IGF2R: variants seen among roughly 807,000 people sequenced by gnomAD.
IGF2R encodes the protein cation-independent mannose-6-phosphate receptor.
A neutral mutation model predicts 270.6 loss-of-function variants in IGF2R; 91 were observed. The ratio of observed to expected loss-of-function variants is 0.34; its 90% CI spans 0.28 to 0.40. The LOEUF (loss-of-function observed/expected upper bound fraction) is 0.40. Among genes scored for constraint, IGF2R ranks in the 10% least tolerant of loss-of-function variants. IGF2R has a pLI of 1.00. For missense variants in IGF2R, 2,805 were observed against 3,188.3 expected (o/e 0.88, Z 2.90); for synonymous variants, 1,316 against 1,258.9 (o/e 1.05, Z -0.96).
chr6:160,050,474 G>C lies in IGF2R; in HGVS notation c.2516G>C (p.Gly839Ala). ...CTAACAAGACTGGTTTTCTTGCAGG[G>C]CTCCTTCACTGAAGTGGTTTCCATC... The part of the protein sequence containing the change: ...ACQMKYEKDQ[G>A]SFTEVVSISN... The change falls in exon 19 of 48, where the codon GGC becomes GCC. Residue 839 changes from glycine (G) to alanine (A), a missense_variant and splice_region_variant. Gly to Ala is a moderately conservative substitution (Grantham distance 60). Around this residue, in one of 2 missense-constraint regions of IGF2R, gnomAD observed 1,851 missense variants for 2,207.2 expected, o/e 0.84. Transcript: ENST00000356956. This position sits in a 1 kb window ranked among gnomAD's most constrained non-coding sequence, Gnocchi z 4.0. 1 of 1,606,594 alleles carries C rather than the reference G, an allele frequency of 6.2e-7. No homozygotes were observed. Among genetic ancestry groups the C allele is most frequent in the Non-Finnish European group, 8.5e-7 (1 of 1,173,920 alleles).
intron 7 of IGF2R, 86 bp from the exon 8 acceptor site, chr6:160,032,465 C>CT: frequency 7.9e-7 from 1 of 1,268,798 alleles, no homozygotes. Context: ...AACAACCTGT[C>CT]TTTGAGCTTT....
At chr6:160,076,399 C>T (rs535025269) in intron 36 of IGF2R, among the ~76,000 whole-genome samples, 1 of 152,128 alleles carries the variant, frequency 6.6e-6, no homozygotes, top group African/African-American at 2.4e-5. Flanking sequence ...AACAAAAGAC[C>T]CCTGGAATCA....
At chr6:160,029,474 A>C in intron 6 of IGF2R, 76 bp from the exon 7 acceptor site, 1 of 871,760 alleles carries the variant, frequency 1.1e-6, no homozygotes, top group Non-Finnish European at 1.9e-6. Context: ...GAATGTGCTG[A>C]ATGCTCAGGG....
chr6:160,032,903 A>T, intron 8 of IGF2R, 39 bp from the exon 9 acceptor site: 1 of 1,526,146 alleles, frequency 6.6e-7, no homozygotes, highest in Non-Finnish European at 9.0e-7. Context: ...ACCTATTCAT[A>T]TAAAACAAGC....
Position 160,102,558 on chromosome 6 carries a change from G to C in IGF2R, c.6882G>C (p.Gln2294His). Residue 2294 changes from glutamine to histidine, a missense_variant, in exon 46 of 48, where the codon CAG (glutamine) becomes CAC (histidine). Transcript: ENST00000356956. The surrounding 1 kb of genome is among the most constrained non-coding windows in gnomAD (Gnocchi z 4.5). ...GCGAGAATCCCGGGGACGACGGGCA[G>C]ATGCACAAGGGGCTGTCAGAACGGA... ...FDSENPGDDGQMHKGLSERSQ... is the reference protein window; with the variant it reads ...FDSENPGDDGHMHKGLSERSQ... 6.2e-7 allele frequency: 1 copy of C among 1,613,288 alleles called. No individual in the cohort carries two copies.
At chr6:160,033,452 C>T (rs1035034928) in intron 9 of IGF2R, among the ~76,000 whole-genome samples, 14 of 152,346 alleles carry the variant, frequency 9.2e-5, no homozygotes, top group African/African-American at 3.1e-4. Flanking sequence ...TTTTCAAGTG[C>T]GTTGTGTGTA....
In IGF2R at chr6:160,052,752, C is replaced by T. The variant is rs191810668; in HGVS notation, c.2694+2100C>T. Among the ~76,000 whole-genome samples the T allele has an allele frequency of 3.3e-5, 5 of 152,168 alleles. No individual in the cohort carries two copies. The South Asian group carries it at 6.2e-4, about 19-fold the overall frequency. On this transcript the variant is annotated intron_variant, in intron 19 of 47. Coordinates refer to ENST00000356956, the MANE Select transcript of IGF2R (RefSeq NM_000876.4). ...AAACAGATATATAGACCAATGGAACCGAACAGAGTCCTCAGAAATAACACC... is the reference window on the plus strand; with the variant it reads ...AAACAGATATATAGACCAATGGAACTGAACAGAGTCCTCAGAAATAACACC...
Position 160,104,909 on chromosome 6 carries a change from C to T in IGF2R, c.7301C>T (p.Pro2434Leu). The T allele has an allele frequency of 6.2e-7, 1 of 1,614,136 alleles. No individual in the cohort carries two copies. Among genetic ancestry groups the T allele is most frequent in the South Asian group, 1.1e-5 (1 of 91,082 alleles). ...GGAGCTGGGGCAGAGAGCTCCCACC[C>T]AGTGAGAAACGCACAGAGCAATGCC... The part of the protein sequence containing the change: ...GRGAGAESSH[P>L]VRNAQSNALQ... Residue 2434 changes from proline (P) to leucine (L), a missense_variant, in exon 48 of 48, where the codon CCA (proline) becomes CTA (leucine). By Grantham distance (98) the Pro-to-Leu change is moderately conservative. This residue lies in a region of IGF2R where 1,851 missense variants were observed against 2,207.2 expected (regional missense o/e 0.84). Coordinates refer to ENST00000356956, the MANE Select transcript of IGF2R (RefSeq NM_000876.4).
chr6:160,106,596 G>C lies in IGF2R; in HGVS notation c.*1512G>C, dbSNP rs917546462. 6.6e-6 allele frequency: 1 copy of C among 152,050 alleles called. No individual in the cohort carries two copies. Among genetic ancestry groups the C allele is most frequent in the Admixed American group, 6.5e-5 (1 of 15,274 alleles). 9.4% of individuals were successfully genotyped at this position (152,050 alleles called of 1,614,324 possible). A position where few individuals can be genotyped will look rare whatever the true frequency, so the allele number is the denominator to read the frequency against. On this transcript the variant is annotated 3_prime_UTR_variant, in exon 48 of 48. Coordinates refer to ENST00000356956, the MANE Select transcript of IGF2R (RefSeq NM_000876.4). The stretch of plus-strand genomic sequence containing the variant: ...CCTTGATAGTGAGACGTTCCCGAGC[G>C]AGTTACCCATCTGCCTGCCTGTCTT...
At chr6:159,970,178 A>G (rs1168286012) in intron 1 of IGF2R, among the ~76,000 whole-genome samples, 2 of 152,144 alleles carry the variant, frequency 1.3e-5, no homozygotes, top group African/African-American at 4.8e-5. Context: ...CACCTCGCGC[A>G]ACTGCTAGCA....
chr6:160,074,939 C>T (rs1443686204), intron 35 of IGF2R, among the ~76,000 whole-genome samples: 5 of 152,262 alleles, frequency 3.3e-5, no homozygotes, highest in South Asian at 2.1e-4. Context: ...CGGGGATCCT[C>T]GATCGGGAAT....
intron 10 of IGF2R, among the ~76,000 whole-genome samples, chr6:160,038,159 A>G (rs78797168): frequency 0.056 from 8,550 of 152,216 alleles, 348 homozygotes; most frequent in East Asian, 0.2. Context: ...GAGGACACAA[A>G]GTGGTGTGCT....
chr6:160,062,168 A>ATTTTTTTTTTTTT (rs34356477), intron 25 of IGF2R, among the ~76,000 whole-genome samples: 1 of 106,620 alleles, frequency 9.4e-6, no homozygotes, highest in Admixed American at 1.1e-4. Flanking sequence ...CATTTATTTA[A>ATTTTTTTTTTTTT]TTTTTTTTTT....
intron 4 of IGF2R, among the ~76,000 whole-genome samples, chr6:160,020,176 A>T (rs1777400999): frequency 6.6e-6 from 1 of 152,142 alleles, no homozygotes. Context: ...CAAGCTGAGA[A>T]TCAAATCAAG....
At chr6:159,980,249 A>G (rs952744705) in intron 1 of IGF2R, among the ~76,000 whole-genome samples, 6 of 150,898 alleles carry the variant, frequency 4.0e-5, no homozygotes, top group Non-Finnish European at 8.9e-5. Flanking sequence ...GGTACATGGA[A>G]GATTCGATTG....
rs998075 is a variant in IGF2R, at chr6:160,047,246, A to T, written c.2139A>T (p.Thr713=). 2 of 1,613,490 alleles carry T rather than the reference A, an allele frequency of 1.2e-6. No homozygotes were observed. Among genetic ancestry groups the T allele is most frequent in the Admixed American group, 1.7e-5 (1 of 59,984 alleles). The part of the protein sequence containing the change: ...GMIQLNYRGG[T]PYNNERHTPR... ...TCCAACTGAACTACAGAGGCGGCAC[A>T]CCCTATAACAATGAAAGACACACAC... The change falls in exon 16 of 48, where the codon ACA becomes ACT. Residue 713 remains threonine (T), a synonymous_variant. Transcript: ENST00000356956.
At position 160,039,897 on chromosome 6, in the gene IGF2R, G is replaced by A. The variant is rs181227139; in HGVS notation, c.1316-663G>A. 1.6e-4 allele frequency among the ~76,000 whole-genome samples: 25 copies of A among 152,280 alleles called. No homozygotes were observed. The East Asian group carries it at 4.8e-3, about 29-fold the overall frequency. ...TGCTGATGGATGGGAAATCTGGGTG[G>A]CTCACTCTTGGTGGAAGAAGAGGCT... On this transcript the variant is annotated intron_variant, in intron 10 of 47. Coordinates refer to ENST00000356956, the MANE Select transcript of IGF2R (RefSeq NM_000876.4).
Position 160,090,111 on chromosome 6 carries a change from G to A in IGF2R, c.6655+8G>A, listed in dbSNP as rs750333814. 5.6e-6 allele frequency: 8 copies of A among 1,435,586 alleles called. No homozygotes were observed. Among genetic ancestry groups the A allele is most frequent in the East Asian group, 2.7e-5 (1 of 36,888 alleles). The allele number at this position is 1,435,586 out of a possible 1,614,324, so 88.9% of individuals were successfully genotyped here. A position where few individuals can be genotyped will look rare whatever the true frequency, so the allele number is the denominator to read the frequency against. ...CCAAGTACTACCTTCAAGGTAATCCGTGGCTTCCCACAAAGTTCCACATTT... is the reference window on the plus strand; with the variant it reads ...CCAAGTACTACCTTCAAGGTAATCCATGGCTTCCCACAAAGTTCCACATTT... On this transcript the variant is annotated splice_region_variant and intron_variant, in intron 44 of 47. Transcript: ENST00000356956.
chr6:160,018,980 A>C (rs975426661), intron 4 of IGF2R, among the ~76,000 whole-genome samples: 6 of 152,180 alleles, frequency 3.9e-5, no homozygotes, highest in Non-Finnish European at 5.9e-5. Context: ...ACTAAATGAA[A>C]TGGAGACCAA....
Sources: gnomAD v4.1 joint callset for allele counts (sites outside exome capture counted in the v4.1 genomes callset) on GRCh38, gnomAD v4.1.1 for gene constraint, gnomAD v4.1.1 regional missense constraint, Gnocchi (gnomAD v3.1) non-coding constraint, MANE v1.5 for transcripts, NCBI Gene and HGNC (gene_info 2026-07-23, HGNC 2026-07-21) for gene names.